The following NEK1 variants were observed in gnomAD, a reference collection of about 807,000 sequenced individuals.
NEK1 encodes NIMA related kinase 1.
A neutral mutation model predicts 182.1 loss-of-function variants in NEK1; 137 were observed. That is an observed-to-expected ratio of 0.75 (90% confidence interval 0.65 to 0.87). NEK1 has a LOEUF of 0.87. Among genes scored for constraint, NEK1 ranks in the 40% least tolerant of loss-of-function variants. The probability of loss-of-function intolerance (pLI) is 0.00; values close to 1 mark genes in which losing one functional copy is unlikely to be tolerated. For missense variants in NEK1, 1,391 were observed against 1,494.4 expected (o/e 0.93, Z 1.14); for synonymous variants, 513 against 492.2 (o/e 1.04, Z -0.56).
intron 31 of NEK1, among the ~76,000 whole-genome samples, chr4:169,424,170 T>C (rs141614954): frequency 5.3e-5 from 8 of 152,268 alleles, no homozygotes; most frequent in African/African-American, 1.7e-4. Flanking sequence ...CATATGAATA[T>C]CTCTTAATGT....
At chr4:169,408,387 A>C (rs1444758461) in intron 31 of NEK1, among the ~76,000 whole-genome samples, 5 of 151,694 alleles carry the variant, frequency 3.3e-5, no homozygotes, top group Non-Finnish European at 7.4e-5. Flanking sequence ...AAGTCCCCCC[A>C]CCTACTCCCC....
chr4:169,601,303 C>G (rs972137323), intron 4 of NEK1, among the ~76,000 whole-genome samples: 1 of 152,064 alleles, frequency 6.6e-6, no homozygotes, highest in African/African-American at 2.4e-5. Context: ...TCTAGATTAC[C>G]TGGTTTTTAG....
intron 19 of NEK1, among the ~76,000 whole-genome samples, chr4:169,523,568 C>A (rs539031509): frequency 6.6e-6 from 1 of 152,306 alleles, no homozygotes; most frequent in South Asian, 2.1e-4. Flanking sequence ...AAGGACACAA[C>A]CCTGCTGACA....
chr4:169,496,503 C>T (rs1458359387), intron 23 of NEK1, among the ~76,000 whole-genome samples: 1 of 151,304 alleles, frequency 6.6e-6, no homozygotes, highest in Admixed American at 6.6e-5. Flanking sequence ...GGAATGCTTC[C>T]AGTTTTTGCC....
chr4:169,570,216 T>C (rs369280227), intron 12 of NEK1, among the ~76,000 whole-genome samples: 98 of 87,972 alleles, frequency 1.1e-3, no homozygotes, highest in East Asian at 1.7e-3. Flanking sequence ...CGTCTCTGCC[T>C]GGCCGCCCCG....
intron 7 of NEK1, among the ~76,000 whole-genome samples, 191 bp downstream of exon 7, chr4:169,589,256 T>G (rs1242807089): frequency 6.6e-6 from 1 of 152,188 alleles, no homozygotes; most frequent in African/African-American, 2.4e-5. Context: ...TAGGTTTGTA[T>G]AAGTACACTC....
chr4:169,521,469 C>A (rs1338006724), intron 19 of NEK1, among the ~76,000 whole-genome samples: 3 of 151,754 alleles, frequency 2.0e-5, no homozygotes, highest in African/African-American at 7.3e-5. Flanking sequence ...CCGTCTTCTG[C>A]GTCGCTCACG....
rs1045217433 is a variant in NEK1 at position 169,507,037 on chromosome 4, A to G, written c.2007T>C (p.His669=). The change falls in exon 23 of 36, where the codon CAT becomes CAC. Residue 669 remains histidine, a splice_region_variant and synonymous_variant. Coordinates refer to ENST00000507142, the MANE Select transcript of NEK1 (RefSeq NM_001199397.3). ...ATTAAGAATATGAGCTAAATCTTACATGCTCTTCCCACACTTTTTTTTCTC... is the reference window on the plus strand; with the variant it reads ...ATTAAGAATATGAGCTAAATCTTACGTGCTCTTCCCACACTTTTTTTTCTC... The part of the protein sequence containing the change: ...YEREKKVWEE[H]LVAKGVKSSD... 1 of 1,601,574 alleles carries G rather than the reference A, an allele frequency of 6.2e-7. No homozygotes were observed. The highest frequency in any genetic ancestry group is 1.3e-5 in the African/African-American group (1 of 74,676).
At chr4:169,493,645 A>C (rs1429797069) in intron 23 of NEK1, among the ~76,000 whole-genome samples, 1 of 152,224 alleles carries the variant, frequency 6.6e-6, no homozygotes, top group African/African-American at 2.4e-5. Context: ...TTCAAAATAC[A>C]GTTGGAAGCC....
rs184259243 is a variant in NEK1 at position 169,579,043 on chromosome 4, G to T, written c.868+1799C>A. On this transcript the variant is annotated intron_variant, in intron 11 of 35. Coordinates refer to ENST00000507142, the MANE Select transcript of NEK1 (RefSeq NM_001199397.3). ...GCATGCCAGAAAAGGGGCTAGAGGC[G>T]CAAAAGCATAAAAAATAAAGATTTC... Among the ~76,000 whole-genome samples, 43 of 152,192 alleles carry T rather than the reference G, an allele frequency of 2.8e-4. No homozygotes were observed. The Middle Eastern group carries it at 0.01, about 36-fold the overall frequency.
At chr4:169,418,071 T>G (rs561717399) in intron 31 of NEK1, among the ~76,000 whole-genome samples, 1 of 151,598 alleles carries the variant, frequency 6.6e-6, no homozygotes, top group East Asian at 1.9e-4. Flanking sequence ...AGCTGGGGAG[T>G]TGTAAGCTGA....
intron 19 of NEK1, among the ~76,000 whole-genome samples, chr4:169,526,886 T>C (rs568219810): frequency 1.8e-4 from 28 of 152,322 alleles, no homozygotes; most frequent in African/African-American, 6.3e-4. Flanking sequence ...GAGCGCAGTG[T>C]TGGAAAAATA....
chr4:169,606,842 A>T (rs1045912886), intron 2 of NEK1, among the ~76,000 whole-genome samples: 43 of 152,240 alleles, frequency 2.8e-4, no homozygotes, highest in Non-Finnish European at 4.4e-5. Flanking sequence ...AGAAACAGCA[A>T]TGCATTGAGG....
chr4:169,521,544 C>T (rs1020166223), intron 19 of NEK1, among the ~76,000 whole-genome samples: 1 of 152,224 alleles, frequency 6.6e-6, no homozygotes, highest in Non-Finnish European at 1.5e-5. Flanking sequence ...GCAATAACTT[C>T]TTAGTGCATG....
In NEK1 at chr4:169,438,092, T is replaced by C; in HGVS notation, c.2755A>G (p.Asn919Asp). The change falls in exon 28 of 36, where the codon AAT becomes GAT. Residue 919 changes from asparagine to aspartate, a missense_variant. Asn to Asp is a conservative substitution (Grantham distance 23, BLOSUM62 1). Coordinates refer to ENST00000507142, the MANE Select transcript of NEK1 (RefSeq NM_001199397.3). ...ACTCATTAGAACATACCTTCTAAAT[T>C]TCCTTCCAGTTTCAATGACATCTGT... ...SPQMSLKLEG[N>D]LEEPDDLETE... 6.8e-6 allele frequency: 11 copies of C among 1,610,394 alleles called. No homozygotes were observed. Among genetic ancestry groups the C allele is most frequent in the Non-Finnish European group, 9.3e-6 (11 of 1,178,494 alleles).
At chr4:169,548,150 G>A (rs1214418925) in intron 18 of NEK1, among the ~76,000 whole-genome samples, 7 of 152,100 alleles carry the variant, frequency 4.6e-5, no homozygotes. Flanking sequence ...CTTCAGATGG[G>A]GTCTCTGAGT....
Position 169,508,139 on chromosome 4 carries a change from C to T in NEK1, c.1833+109G>A, listed in dbSNP as rs75602067. ...TTTTTGATCTTTGAACTTCCACTGT[C>T]GTCATCAGTTTTGTTGTTGTTGTCG... is the stretch of plus-strand genomic sequence containing the variant. On this transcript the variant is annotated intron_variant, in intron 21 of 35. Coordinates refer to ENST00000507142, the MANE Select transcript of NEK1 (RefSeq NM_001199397.3). The T allele has an allele frequency of 2.8e-3, 2,587 of 912,016 alleles. 50 individuals carry two copies. In the African/African-American group the frequency reaches 0.038, roughly 13 times the overall value. The allele number at this position is 912,016 out of a possible 1,614,324, so 56.5% of individuals were successfully genotyped here. A position where few individuals can be genotyped will look rare whatever the true frequency, so the allele number is the denominator to read the frequency against.
In NEK1 at chr4:169,535,049, G is replaced by T. The variant is rs115362000; in HGVS notation, c.1665+2760C>A. On this transcript the variant is annotated intron_variant, in intron 19 of 35. Transcript: ENST00000507142. ...AAAATTCAATCTCTGGCTGGGCACA[G>T]TGGTTCACGTCTGTAATCTCAGCAA... 4.5e-3 allele frequency among the ~76,000 whole-genome samples: 691 copies of T among 152,322 alleles called. 4 individuals carry two copies. The highest frequency in any genetic ancestry group is 0.016 in the African/African-American group (664 of 41,558).
chr4:169,537,881 A>G lies in NEK1; in HGVS notation c.1593T>C (p.Ala531=). The change falls in exon 19 of 36, where the codon GCT becomes GCC. Residue 531 remains alanine (A), a synonymous_variant. Coordinates refer to ENST00000507142, the MANE Select transcript of NEK1 (RefSeq NM_001199397.3). ...RQKGQLAVER[A]KQVEEFLQRK... ...GCTGCAGGAACTCTTCTACTTGTTT[A>G]GCTCTTTCTACAGCTAGCTGCCCTT... The G allele has an allele frequency of 6.2e-7, 1 of 1,608,158 alleles. No individual in the cohort carries two copies. Among genetic ancestry groups the G allele is most frequent in the Non-Finnish European group, 8.5e-7 (1 of 1,176,794 alleles).
Sources: gnomAD v4.1 joint callset for allele counts (sites outside exome capture counted in the v4.1 genomes callset) on GRCh38, gnomAD v4.1.1 for gene constraint, MANE v1.5 for transcripts, NCBI Gene and HGNC (gene_info 2026-07-23, HGNC 2026-07-21) for gene names.